Variants in EBF1 observed in about 807,000 individuals in gnomAD.
EBF1 encodes transcription factor COE1.
In EBF1, 10 loss-of-function variants were observed where a neutral mutation model predicts 68.4. That is an observed-to-expected ratio of 0.15 (90% CI 0.09 to 0.25). The LOEUF is 0.25. EBF1 is among the 10% of genes least tolerant of loss of function. The probability of loss-of-function intolerance (pLI) is 1.00; values close to 1 mark genes in which losing one functional copy is unlikely to be tolerated. For synonymous variants in EBF1, 298 were observed against 299.8 expected (o/e 0.99, Z 0.06); for missense variants, 509 against 794.4 (o/e 0.64, Z 4.32).
chr5:158,854,019 G>A (rs1793492496), intron 6 of EBF1, among the ~76,000 whole-genome samples: 2 of 152,094 alleles, frequency 1.3e-5, no homozygotes, highest in Admixed American at 1.3e-4. Context: ...GACTCCACAG[G>A]GCAATATGGG....
intron 6 of EBF1, among the ~76,000 whole-genome samples, chr5:159,010,750 G>A (rs183808950): frequency 1.2e-4 from 19 of 152,350 alleles, no homozygotes; most frequent in Non-Finnish European, 2.5e-4. Flanking sequence ...AAGGAGGGCA[G>A]GGAAACGCAT....
At chr5:158,922,006 C>T (rs978031208) in intron 6 of EBF1, among the ~76,000 whole-genome samples, 1 of 152,172 alleles carries the variant, frequency 6.6e-6, no homozygotes, top group African/African-American at 2.4e-5. Flanking sequence ...AGACAGACAG[C>T]GAAAACTCCT....
intron 6 of EBF1, among the ~76,000 whole-genome samples, chr5:158,923,010 G>A (rs947123220): frequency 1.2e-4 from 19 of 152,208 alleles, no homozygotes; most frequent in African/African-American, 3.6e-4. Flanking sequence ...CCTACAATTA[G>A]CCAATTAGGT....
intron 6 of EBF1, among the ~76,000 whole-genome samples, chr5:159,023,138 T>G (rs983877849): frequency 6.6e-6 from 1 of 151,244 alleles, no homozygotes; most frequent in African/African-American, 2.4e-5. Context: ...AAAACAGAAC[T>G]CTTAAGCAGG....
intron 6 of EBF1, among the ~76,000 whole-genome samples, chr5:159,016,744 G>A (rs542511971): frequency 1.4e-4 from 22 of 152,178 alleles, no homozygotes; most frequent in Admixed American, 5.9e-4. Context: ...AGCTCAAAGC[G>A]TGAGATCCAT....
intron 6 of EBF1, among the ~76,000 whole-genome samples, chr5:159,038,992 G>A (rs1770649603): frequency 1.3e-5 from 2 of 152,060 alleles, no homozygotes; most frequent in South Asian, 4.1e-4. Flanking sequence ...AGCCTGAGAT[G>A]GAATGTTTAC....
chr5:158,894,427 T>C (rs1005845267), intron 6 of EBF1, among the ~76,000 whole-genome samples: 4 of 152,174 alleles, frequency 2.6e-5, no homozygotes, highest in African/African-American at 9.6e-5. Context: ...TTTTAATGCC[T>C]AAATATGTCT....
chr5:158,716,390 G>T (rs1015315367), intron 11 of EBF1, among the ~76,000 whole-genome samples: 2 of 152,080 alleles, frequency 1.3e-5, no homozygotes, highest in Non-Finnish European at 2.9e-5. Flanking sequence ...GATCCACCAT[G>T]CTGGGGCATG....
At chr5:158,879,202 T>C (rs1242118277) in intron 6 of EBF1, among the ~76,000 whole-genome samples, 1 of 152,154 alleles carries the variant, frequency 6.6e-6, no homozygotes, top group African/African-American at 2.4e-5. Context: ...GTACAGTATG[T>C]AACTGGGCAC....
At chr5:159,027,338 T>C (rs1042476844) in intron 6 of EBF1, among the ~76,000 whole-genome samples, 8 of 152,130 alleles carry the variant, frequency 5.3e-5, no homozygotes, top group African/African-American at 1.9e-4. Context: ...AGCTAACCCT[T>C]ACTCCTCCAA....
intron 9 of EBF1, among the ~76,000 whole-genome samples, chr5:158,794,869 G>T (rs1779338220): frequency 2.6e-5 from 4 of 152,134 alleles, no homozygotes; most frequent in Admixed American, 1.3e-4. Context: ...AAAACATAGA[G>T]TACAGTTGGC....
rs541719032 is a variant in EBF1, at chr5:158,817,537, C to T, written c.778+5639G>A. Among the ~76,000 whole-genome samples, 6 of 152,104 alleles carry T rather than the reference C, an allele frequency of 3.9e-5. No individual in the cohort carries two copies. The South Asian group carries it at 1.2e-3, about 32-fold the overall frequency. Reference sequence around the variant, plus strand: ...GCCCTCACCAGTGCTGGCATCATGCCCTTGGACTTCCCAGCCTCCAGAACC... The same window carrying T: ...GCCCTCACCAGTGCTGGCATCATGCTCTTGGACTTCCCAGCCTCCAGAACC... On this transcript the variant is annotated intron_variant, in intron 8 of 15. Transcript: ENST00000313708.
At chr5:158,778,441 T>C (rs1283015601) in intron 9 of EBF1, among the ~76,000 whole-genome samples, 1 of 152,192 alleles carries the variant, frequency 6.6e-6, no homozygotes, top group Non-Finnish European at 1.5e-5. Flanking sequence ...TCCTTTCAGA[T>C]GCAGTTAGCT....
chr5:158,769,067 C>T (rs1773358502), intron 10 of EBF1, among the ~76,000 whole-genome samples: 1 of 152,150 alleles, frequency 6.6e-6, no homozygotes, highest in Non-Finnish European at 1.5e-5. Flanking sequence ...GAAATGGCAA[C>T]ACATCTTAAG....
intron 6 of EBF1, among the ~76,000 whole-genome samples, chr5:158,888,964 G>A (rs1800606093): frequency 6.6e-6 from 1 of 152,002 alleles, no homozygotes; most frequent in South Asian, 2.1e-4. Context: ...CCAATATGTT[G>A]AATAATTCTC....
At chr5:159,085,351 T>G (rs1780443567) in intron 4 of EBF1, among the ~76,000 whole-genome samples, 1 of 152,218 alleles carries the variant, frequency 6.6e-6, no homozygotes, top group African/African-American at 2.4e-5. Context: ...TGGCATATGC[T>G]CTGTGTGTGG....
chr5:158,898,019 G>A (rs1309735313), intron 6 of EBF1, among the ~76,000 whole-genome samples: 2 of 152,216 alleles, frequency 1.3e-5, no homozygotes, highest in South Asian at 2.1e-4. Flanking sequence ...GATCATTGCT[G>A]ATTCTAAAAC....
intron 6 of EBF1, among the ~76,000 whole-genome samples, chr5:158,882,610 A>C (rs138168108): frequency 6.6e-6 from 1 of 152,224 alleles, no homozygotes; most frequent in Non-Finnish European, 1.5e-5. Context: ...CGAAGGAAAA[A>C]TAACTGTGTC....
At chr5:158,944,857 T>C (rs530483418) in intron 6 of EBF1, among the ~76,000 whole-genome samples, 1 of 152,362 alleles carries the variant, frequency 6.6e-6, no homozygotes, top group South Asian at 2.1e-4. Flanking sequence ...GTTGGCCACA[T>C]AAAAGTCTTC....
Sources: gnomAD v4.1 joint callset for allele counts (sites outside exome capture counted in the v4.1 genomes callset) on GRCh38, gnomAD v4.1.1 for gene constraint, MANE v1.5 for transcripts, NCBI Gene and HGNC (gene_info 2026-07-23, HGNC 2026-07-21) for gene names.